Variants in ANKRD44 observed in about 807,000 individuals in gnomAD.
ANKRD44 encodes serine/threonine-protein phosphatase 6 regulatory ankyrin repeat subunit B.
Under a neutral mutation model 116.0 loss-of-function variants are expected in ANKRD44, and 35 were observed. The ratio of observed to expected loss-of-function variants is 0.30; its 90% CI spans 0.23 to 0.40. The LOEUF (loss-of-function observed/expected upper bound fraction) is 0.40, where lower values mean the gene tolerates loss of function less well. Ranked by LOEUF, ANKRD44 falls within the 10% of genes least tolerant of loss-of-function variation. ANKRD44 has a pLI of 1.00. For synonymous variants in ANKRD44, 435 were observed against 461.8 expected, an observed-to-expected ratio of 0.94 and a Z score of 0.74; for missense variants, 1,014 against 1,242.6, an observed-to-expected ratio of 0.82 and a Z score of 2.77.
intron 16 of ANKRD44, among the ~76,000 whole-genome samples, chr2:197,077,490 G>C (rs1303535110): frequency 1.3e-5 from 2 of 152,140 alleles, no homozygotes; most frequent in Non-Finnish European, 2.9e-5. Context: ...GTCCAGGATT[G>C]TTTTCAGGGT....
chr2:197,076,207 T>C (rs1294902137), intron 16 of ANKRD44, among the ~76,000 whole-genome samples: 3 of 152,204 alleles, frequency 2.0e-5, no homozygotes, highest in Non-Finnish European at 2.9e-5. Context: ...TTTGTCAACA[T>C]AACTCTAGCA....
intron 16 of ANKRD44, among the ~76,000 whole-genome samples, chr2:197,026,047 C>CAA (rs111706910): frequency 3.8e-5 from 5 of 130,348 alleles, no homozygotes; most frequent in African/African-American, 8.2e-5. Context: ...TAAAAAGAAA[C>CAA]AAAAAAAAAA....
rs757773247 is a variant in ANKRD44, at chr2:197,013,634, G to A, written c.1801C>T (p.Arg601Cys). ...AAGGCAGCCAGATCCAGAGCAGTGC[G>A]GCCTTTCTCATCCCTGATGTCCAGG... ...VDLDIRDEKG[R>C]TALDLAAFKG... is the part of the protein sequence containing the mutation. The change falls in exon 18 of 28, where the codon CGC becomes TGC. Residue 601 changes from arginine to cysteine, a missense_variant. Transcript: ENST00000282272. 6 of 1,614,070 alleles carry A rather than the reference G, an allele frequency of 3.7e-6. No homozygotes were observed. The highest frequency in any genetic ancestry group is 1.3e-5 in the African/African-American group (1 of 75,014).
rs1467618803 is a variant in ANKRD44, at chr2:196,988,232, G to A, written c.*1359C>T. ...TCATTTCCTGCTTGAAATGCCAACT[G>A]AGCAAGATTTCCATTCACTTCTAGA... On this transcript the variant is annotated 3_prime_UTR_variant, in exon 28 of 28. Transcript: ENST00000282272. The A allele has an allele frequency of 2.0e-6, 2 of 985,376 alleles. No homozygotes were observed. Among genetic ancestry groups the A allele is most frequent in the East Asian group, 1.1e-4 (1 of 8,816 alleles). The allele number at this position is 985,376 out of a possible 1,614,324, so 61.0% of individuals were successfully genotyped here. A position where few individuals can be genotyped will look rare whatever the true frequency, so the allele number is the denominator to read the frequency against.
At chr2:197,244,214 G>A (rs1055724104) in intron 1 of ANKRD44, among the ~76,000 whole-genome samples, 1 of 152,188 alleles carries the variant, frequency 6.6e-6, no homozygotes, top group African/African-American at 2.4e-5. Context: ...GCTCATGTCA[G>A]CAGCAACACA....
chr2:197,091,434 C>G (rs1170335358), intron 10 of ANKRD44, among the ~76,000 whole-genome samples: 1 of 152,228 alleles, frequency 6.6e-6, no homozygotes, highest in Admixed American at 6.5e-5. Context: ...TACACTGCAG[C>G]TTTGACCTCC....
chr2:197,082,687 G>A (rs984459491), intron 14 of ANKRD44, among the ~76,000 whole-genome samples: 1 of 152,274 alleles, frequency 6.6e-6, no homozygotes, highest in Admixed American at 6.5e-5. Context: ...CACAGCACAA[G>A]GCAGCAAATA....
At chr2:197,031,650 C>T (rs1269686804) in intron 16 of ANKRD44, among the ~76,000 whole-genome samples, 4 of 152,130 alleles carry the variant, frequency 2.6e-5, no homozygotes, top group East Asian at 1.9e-4. Context: ...GAACAAAATG[C>T]TATGATGTTA....
intron 16 of ANKRD44, among the ~76,000 whole-genome samples, chr2:197,049,837 T>A (rs2077072346): frequency 6.6e-6 from 1 of 152,172 alleles, no homozygotes. Context: ...GAAAGAAGAT[T>A]CCTGGGGTAC....
At chr2:197,091,047 T>A (rs1446915834) in intron 10 of ANKRD44, among the ~76,000 whole-genome samples, 1 of 152,252 alleles carries the variant, frequency 6.6e-6, no homozygotes, top group Non-Finnish European at 1.5e-5. Context: ...TATAAAAGGC[T>A]GTCACGCTGG....
chr2:197,174,808 T>A (rs1049286232), intron 2 of ANKRD44, among the ~76,000 whole-genome samples: 2 of 152,120 alleles, frequency 1.3e-5, no homozygotes, highest in Non-Finnish European at 2.9e-5. Context: ...TCACTACATA[T>A]GTCAGGTGGT....
chr2:197,072,363 C>T (rs547765544), intron 16 of ANKRD44, among the ~76,000 whole-genome samples: 3 of 152,174 alleles, frequency 2.0e-5, no homozygotes, highest in African/African-American at 7.2e-5. Flanking sequence ...TGTCTTTATA[C>T]CAGTTTGACA....
At chr2:197,195,639 T>G (rs79146998) in intron 1 of ANKRD44, among the ~76,000 whole-genome samples, 219 of 152,326 alleles carry the variant, frequency 1.4e-3, no homozygotes, top group African/African-American at 5.1e-3. Context: ...TCCGAAACAC[T>G]AATGTTTCCA....
intron 1 of ANKRD44, among the ~76,000 whole-genome samples, chr2:197,213,880 G>A (rs1347539410): frequency 6.6e-6 from 1 of 152,150 alleles, no homozygotes; most frequent in East Asian, 1.9e-4. Context: ...GATATTATAT[G>A]TGTATGTATC....
intron 1 of ANKRD44, among the ~76,000 whole-genome samples, chr2:197,285,325 G>T (rs901897163): frequency 1.3e-5 from 2 of 152,140 alleles, no homozygotes; most frequent in Admixed American, 1.3e-4. Flanking sequence ...GCTATAAAAT[G>T]CTACCTGTGA....
chr2:197,180,824 G>A (rs1255254527), intron 2 of ANKRD44, among the ~76,000 whole-genome samples: 5 of 151,938 alleles, frequency 3.3e-5, no homozygotes, highest in South Asian at 4.1e-4. Flanking sequence ...CCTTCTGGGT[G>A]GATTTTTAAA....
rs549862559 is a variant in ANKRD44 at position 197,205,454 on chromosome 2, C to T, written c.28-18348G>A. ...TTTTTCAGAACAACCTGGTGAGTTG[C>T]GAAGTGATGTCCTCCACCCCATTTC... On this transcript the variant is annotated intron_variant, in intron 1 of 27. Coordinates refer to ENST00000282272, the MANE Select transcript of ANKRD44 (RefSeq NM_001195144.2). Among the ~76,000 whole-genome samples the T allele has an allele frequency of 3.3e-5, 5 of 152,238 alleles. No homozygotes were observed. The South Asian group carries it at 1.0e-3, about 32-fold the overall frequency.
intron 1 of ANKRD44, among the ~76,000 whole-genome samples, chr2:197,227,408 G>A (rs769592108): frequency 3.3e-5 from 5 of 152,180 alleles, no homozygotes; most frequent in Non-Finnish European, 7.3e-5. Flanking sequence ...TTGCATCGCT[G>A]GCCCCTTCCC....
At chr2:197,105,404 T>G (rs2078403019) in intron 9 of ANKRD44, among the ~76,000 whole-genome samples, 1 of 152,234 alleles carries the variant, frequency 6.6e-6, no homozygotes, top group Admixed American at 6.5e-5. Flanking sequence ...TGAGCCACTG[T>G]ATCTGGCTTT....
Sources: allele counts gnomAD v4.1 joint callset (sites outside exome capture counted in the v4.1 genomes callset), GRCh38; gene constraint gnomAD v4.1.1; transcripts MANE v1.5; gene names NCBI Gene and HGNC (gene_info 2026-07-23, HGNC 2026-07-21).